CD177: variants seen among roughly 807,000 people sequenced by gnomAD.
The protein encoded by CD177 is CD177 molecule.
In CD177, 41 loss-of-function variants were observed where a neutral mutation model predicts 38.1. The ratio of observed to expected loss-of-function variants is 1.07; its 90% CI spans 0.84 to 1.39. The LOEUF (loss-of-function observed/expected upper bound fraction) is 1.39. Ranked by LOEUF, CD177 falls within the 40% of genes most tolerant of loss-of-function variation. The probability of loss-of-function intolerance (pLI) is 0.00; values close to 1 mark genes in which losing one functional copy is unlikely to be tolerated. For missense variants in CD177, 619 were observed against 523.8 expected, an observed-to-expected ratio of 1.18 and a Z score of -1.77; for synonymous variants, 236 against 216.7, an observed-to-expected ratio of 1.09 and a Z score of -0.78.
chr19:43,353,806 C>G (rs1969877175), intron 1 of CD177, 40 bp downstream of exon 1: 3 of 1,613,896 alleles, frequency 1.9e-6, no homozygotes, highest in Non-Finnish European at 1.7e-6. Flanking sequence ...TCCCTGGAGG[C>G]CGGGCAAGGG....
chr19:43,354,385 C>G lies in CD177; in HGVS notation c.372C>G (p.Pro124=). ...CCCTCCCGCTTTGGGCCCCACAGCC[C>G]CCAGCAGGTGCCTGCGGGAGGGTCG... ...VNSLPLWAPQ[P]PADPGSLRCP... The change falls in exon 3 of 9, where the codon CCC becomes CCG. Residue 124 remains proline (P), a synonymous_variant. Coordinates refer to ENST00000618265, the MANE Select transcript of CD177 (RefSeq NM_020406.4). The G allele has an allele frequency of 6.2e-6, 10 of 1,613,818 alleles. No individual in the cohort carries two copies. The highest frequency in any genetic ancestry group is 8.5e-6 in the Non-Finnish European group (10 of 1,179,852).
In CD177 at chr19:43,362,147, T is replaced by A. The variant is rs1253992134; in HGVS notation, c.1141T>A (p.Leu381Met). ...GCVAQPSSFL[L>M]NHTRQIGIFS... ...CGTGGCCCAACCTTCCAGCTTCTTG[T>A]TGAACCACACCAGACAAATCGGGAT... The change falls in exon 9 of 9, where the codon TTG becomes ATG. Residue 381 changes from leucine to methionine, a missense_variant. Transcript: ENST00000618265. 6.2e-7 allele frequency: 1 copy of A among 1,613,790 alleles called. No homozygotes were observed. Among genetic ancestry groups the A allele is most frequent in the Non-Finnish European group, 8.5e-7 (1 of 1,179,766 alleles).
intron 2 of CD177, 64 bp downstream of exon 2, chr19:43,354,057 G>A: frequency 6.3e-7 from 1 of 1,580,356 alleles, no homozygotes; most frequent in Non-Finnish European, 8.6e-7. Flanking sequence ...CCCTGTGCAG[G>A]GACCCGGGAG....
Position 43,362,227 on chromosome 19 carries a change from A to T in CD177, c.1221A>T (p.Gly407=), listed in dbSNP as rs1453840630. 2 of 1,610,374 alleles carry T rather than the reference A, an allele frequency of 1.2e-6. No individual in the cohort carries two copies. Among genetic ancestry groups the T allele is most frequent in the Non-Finnish European group, 1.7e-6 (2 of 1,176,956 alleles). Residue 407 remains glycine, a synonymous_variant, in exon 9 of 9, where the codon GGA becomes GGT. Transcript: ENST00000618265. ...AGCCTCCTGCCTCTCAGCATGAGGG[A>T]GGTGGGGCTGAGGGCCTGGAGTCTC... ...DVQPPASQHE[G]GGAEGLESLT... is the part of the protein sequence containing the mutation.
In CD177 at chr19:43,354,190, T is replaced by A. The variant is rs377710124; in HGVS notation, c.194-17T>A. ...GGCCTGACCTCCATCCTCGCTTGCCTCCCTCTTTCGGTCCAGGACCCCAAG... is the reference window on the plus strand; with the variant it reads ...GGCCTGACCTCCATCCTCGCTTGCCACCCTCTTTCGGTCCAGGACCCCAAG... On this transcript the variant is annotated splice_polypyrimidine_tract_variant and intron_variant, in intron 2 of 8. Coordinates refer to ENST00000618265, the MANE Select transcript of CD177 (RefSeq NM_020406.4). 5.6e-6 allele frequency: 9 copies of A among 1,607,526 alleles called. No individual in the cohort carries two copies. The highest frequency in any genetic ancestry group is 4.0e-5 in the African/African-American group (3 of 74,658).
chr19:43,353,739 C>T lies in CD177; in HGVS notation c.25C>T (p.Leu9Phe). The change falls in exon 1 of 9, where the codon CTC becomes TTC. Residue 9 changes from leucine to phenylalanine, a missense_variant. Transcript: ENST00000618265. ...CATGAGCGCGGTATTACTGCTGGCC[C>T]TCCTGGGGTTCATCCTCCCACTGCC... The part of the protein sequence containing the change: MSAVLLLA[L>F]LGFILPLPGV... 1 of 1,613,914 alleles carries T rather than the reference C, an allele frequency of 6.2e-7. No individual in the cohort carries two copies. Among genetic ancestry groups the T allele is most frequent in the East Asian group, 2.2e-5 (1 of 44,872 alleles).
Position 43,354,293 on chromosome 19 carries a change from G to C in CD177, c.280G>C (p.Gly94Arg). Residue 94 changes from glycine to arginine, a missense_variant, in exon 3 of 9, where the codon GGC becomes CGC. Coordinates refer to ENST00000618265, the MANE Select transcript of CD177 (RefSeq NM_020406.4). ...CGTCACTGAGCACCGGATGGGCCCC[G>C]GCCTCTCCCTGATCTCCTACACCTT... ...PRVTEHRMGPGLSLISYTFVC... is the reference protein window; with the variant it reads ...PRVTEHRMGPRLSLISYTFVC... 6.2e-7 allele frequency: 1 copy of C among 1,613,892 alleles called. No individual in the cohort carries two copies. The highest frequency in any genetic ancestry group is 8.5e-7 in the Non-Finnish European group (1 of 1,179,868).
In CD177 at chr19:43,354,275, G is replaced by T. The variant is rs1230516223; in HGVS notation, c.262G>T (p.Glu88Ter). 9 of 1,613,934 alleles carry T rather than the reference G, an allele frequency of 5.6e-6. No homozygotes were observed. The East Asian group carries it at 2.0e-4, about 36-fold the overall frequency. ...CAAGGACCAGGAGCCCCGCGTCACT[G>T]AGCACCGGATGGGCCCCGGCCTCTC... Reference protein sequence around the residue: ...EAKDQEPRVTEHRMGPGLSLI... With the variant: ...EAKDQEPRVT The change falls in exon 3 of 9, where the codon GAG becomes TAG. Residue 88 changes from glutamate (E) to a stop codon, truncating the protein, a stop_gained. Transcript: ENST00000618265. LOFTEE classifies it high-confidence loss of function.
At chr19:43,364,292 G>C (rs1970011722), downstream of CD177, among the ~76,000 whole-genome samples, 1 of 152,200 alleles carries the variant, frequency 6.6e-6, no homozygotes, top group Non-Finnish European at 1.5e-5. Context: ...CTGGTGCTTA[G>C]AGCTGCTTTC....
intron 6 of CD177, chr19:43,360,874 G>A (rs534557352): frequency 3.5e-6 from 2 of 565,206 alleles, no homozygotes; most frequent in Admixed American, 3.2e-5. Flanking sequence ...GGAAAAGTGA[G>A]GGGAAGGCTG....
Position 43,354,250 on chromosome 19 carries a change from CA to C in CD177, c.239del (p.Lys80ArgfsTer18). Reference sequence around the variant, plus strand: ...TGCTCTCCAAGGGCTGCACGGAGGCCAAGGACCAGGAGCCCCGCGTCACTGA... The same window carrying C: ...TGCTCTCCAAGGGCTGCACGGAGGCCAGGACCAGGAGCCCCGCGTCACTGA... ...LVLSKGCTEA[K>X]DQEPRVTEHR... On this transcript the variant is annotated frameshift_variant, in exon 3 of 9. Coordinates refer to ENST00000618265, the MANE Select transcript of CD177 (RefSeq NM_020406.4). LOFTEE classifies it high-confidence loss of function. 6.2e-7 allele frequency: 1 copy of C among 1,613,796 alleles called. No homozygotes were observed.
At chr19:43,356,163 C>T in intron 5 of CD177, 55 bp downstream of exon 5, 1 of 444,198 alleles carries the variant, frequency 2.3e-6, no homozygotes, top group Non-Finnish European at 3.9e-6. Context: ...CACGATGACA[C>T]ATGGGGCATC....
At chr19:43,360,096 G>A (rs1969938859) in intron 5 of CD177, among the ~76,000 whole-genome samples, 169 bp from the exon 6 acceptor site, 2 of 151,922 alleles carry the variant, frequency 1.3e-5, no homozygotes, top group South Asian at 4.1e-4. Flanking sequence ...GAACAATGGG[G>A]GTGGGATTTC....
rs755650599 is a variant in CD177, at chr19:43,362,244, T to C, written c.1238T>C (p.Leu413Pro). Residue 413 changes from leucine (L) to proline (P), a missense_variant, in exon 9 of 9, where the codon CTG (leucine) becomes CCG (proline). Coordinates refer to ENST00000618265, the MANE Select transcript of CD177 (RefSeq NM_020406.4). ...CATGAGGGAGGTGGGGCTGAGGGCC[T>C]GGAGTCTCTCACTTGGGGGGTGGGG... ...SQHEGGGAEG[L>P]ESLTWGVGLA... 6 of 1,610,656 alleles carry C rather than the reference T, an allele frequency of 3.7e-6. No individual in the cohort carries two copies. The South Asian group carries it at 6.6e-5, about 18-fold the overall frequency.
In CD177 at chr19:43,361,257, A is replaced by C; in HGVS notation, c.875A>C (p.His292Pro). The change falls in exon 7 of 9, where the codon CAC becomes CCC. Residue 292 changes from histidine (H) to proline (P), a missense_variant. Transcript: ENST00000618265. Reference protein sequence around the residue: ...PPGVLVASYTHFCSSDLCNSA... With the variant: ...PPGVLVASYTPFCSSDLCNSA... Reference sequence around the variant, plus strand: ...GGGGTGCTTGTGGCCTCCTATACCCACTTCTGCTCCTCGGACCTGTGCAAT... The same window carrying C: ...GGGGTGCTTGTGGCCTCCTATACCCCCTTCTGCTCCTCGGACCTGTGCAAT... 1 of 1,534,924 alleles carries C rather than the reference A, an allele frequency of 6.5e-7. No individual in the cohort carries two copies. The highest frequency in any genetic ancestry group is 1.7e-5 in the Admixed American group (1 of 58,246).
intron 3 of CD177, chr19:43,354,656 T>G (rs1969897728): frequency 2.5e-5 from 15 of 592,340 alleles, no homozygotes; most frequent in African/African-American, 2.4e-4. Flanking sequence ...GACGGATTTC[T>G]GATATGAAAT....
chr19:43,361,334 G>A lies in CD177; in HGVS notation c.946+6G>A, dbSNP rs1381684533. On this transcript the variant is annotated splice_donor_region_variant and intron_variant, in intron 7 of 8. Transcript: ENST00000618265. ...GAACTCCCTCCCTCCTCAAGGTATG[G>A]GATCCAGGGCCGTGGAGAAATGAGG... 1.1e-5 allele frequency: 17 copies of A among 1,567,478 alleles called. No homozygotes were observed. Among genetic ancestry groups the A allele is most frequent in the African/African-American group, 1.4e-5 (1 of 72,600 alleles).
intron 3 of CD177, among the ~76,000 whole-genome samples, chr19:43,355,274 C>T (rs182049506): frequency 6.6e-5 from 10 of 151,102 alleles, no homozygotes; most frequent in African/African-American, 2.4e-4. Context: ...CCACCACGCC[C>T]GGCTAATTTT....
chr19:43,355,631 G>A (rs760403102), intron 3 of CD177, 30 bp from the exon 4 acceptor site: 24 of 1,611,682 alleles, frequency 1.5e-5, no homozygotes, highest in Non-Finnish European at 1.9e-5. Flanking sequence ...CCCTCTCAGT[G>A]CCCCCTCACT....
Sources: allele counts gnomAD v4.1 joint callset (sites outside exome capture counted in the v4.1 genomes callset), GRCh38; gene constraint gnomAD v4.1.1; transcripts MANE v1.5; gene names NCBI Gene and HGNC (gene_info 2026-07-23, HGNC 2026-07-21).